The following ARHGAP32 variants were observed in gnomAD, a reference collection of about 807,000 sequenced individuals.
The protein encoded by ARHGAP32 is rho GTPase-activating protein 32.
Under a neutral mutation model 186.5 loss-of-function variants are expected in ARHGAP32, and 51 were observed. The observed-to-expected ratio is 0.27, with a 90% CI of 0.22 to 0.35. The LOEUF (loss-of-function observed/expected upper bound fraction) is 0.35, where lower values mean the gene tolerates loss of function less well. ARHGAP32 is among the 10% of genes least tolerant of loss of function. The probability of loss-of-function intolerance (pLI) is 1.00; values close to 1 mark genes in which losing one functional copy is unlikely to be tolerated. For synonymous variants in ARHGAP32, 950 were observed against 964.3 expected, an observed-to-expected ratio of 0.99 and a Z score of 0.27; for missense variants, 2,186 against 2,623.5, an observed-to-expected ratio of 0.83 and a Z score of 3.64.
intron 10 of ARHGAP32, among the ~76,000 whole-genome samples, chr11:129,054,342 T>C (rs1242847868): frequency 2.0e-5 from 3 of 152,184 alleles, no homozygotes; most frequent in African/African-American, 7.2e-5. Context: ...TCCCTTTACC[T>C]GCACACAAGA....
In ARHGAP32 at chr11:129,139,875, G is replaced by A. The variant is rs528921996; in HGVS notation, c.226-14981C>T. Among the ~76,000 whole-genome samples the A allele has an allele frequency of 2.0e-5, 3 of 152,214 alleles. No homozygotes were observed. The South Asian group carries it at 6.2e-4, about 32-fold the overall frequency. On this transcript the variant is annotated intron_variant, in intron 2 of 22. Coordinates refer to ENST00000682385, the MANE Select transcript of ARHGAP32 (RefSeq NM_001378024.1). ...TATATTATGAAGTATAAATACCAGAGAAAACATGTAAGACTGTGGTAGGCA... is the reference window on the plus strand; with the variant it reads ...TATATTATGAAGTATAAATACCAGAAAAAACATGTAAGACTGTGGTAGGCA...
chr11:129,088,727 T>C (rs909880492), intron 6 of ARHGAP32, among the ~76,000 whole-genome samples: 10 of 152,096 alleles, frequency 6.6e-5, no homozygotes, highest in African/African-American at 9.7e-5. Flanking sequence ...AAATTTTAAT[T>C]TGCTAATTTT....
chr11:129,212,403 T>A (rs1550579), intron 1 of ARHGAP32, among the ~76,000 whole-genome samples: 29,655 of 152,006 alleles, frequency 0.2, 3,081 homozygotes, highest in Non-Finnish European at 0.23. Flanking sequence ...TATATGCACA[T>A]ACAGAAAGTT....
At chr11:129,053,122 C>T (rs974632764) in intron 10 of ARHGAP32, among the ~76,000 whole-genome samples, 3 of 151,804 alleles carry the variant, frequency 2.0e-5, no homozygotes, top group African/African-American at 4.8e-5. Flanking sequence ...TTCTTTAATG[C>T]TGATTTAAAA....
chr11:129,148,512 G>A (rs1472991457), intron 2 of ARHGAP32, among the ~76,000 whole-genome samples: 1 of 152,158 alleles, frequency 6.6e-6, no homozygotes, highest in African/African-American at 2.4e-5. Context: ...ATACCTCACA[G>A]GGGCCTTCAG....
chr11:129,272,978 C>T (rs1945490040), intron 1 of ARHGAP32, among the ~76,000 whole-genome samples: 3 of 152,258 alleles, frequency 2.0e-5, no homozygotes, highest in Admixed American at 6.5e-5. Flanking sequence ...GGGTTGTCTA[C>T]CAACAGGTTG....
chr11:129,150,065 T>A (rs890730003), intron 2 of ARHGAP32, among the ~76,000 whole-genome samples: 7 of 148,638 alleles, frequency 4.7e-5, no homozygotes, highest in African/African-American at 7.4e-5. Flanking sequence ...TTGAAGAAAA[T>A]TAACCCAAAT....
chr11:129,147,085 T>G (rs624054), intron 2 of ARHGAP32, among the ~76,000 whole-genome samples: 43,246 of 151,920 alleles, frequency 0.28, 6,476 homozygotes, highest in Middle Eastern at 0.4. Flanking sequence ...ACTACACACT[T>G]TTGCAACCTA....
chr11:129,223,130 T>C (rs746207177), intron 1 of ARHGAP32, among the ~76,000 whole-genome samples: 6 of 152,194 alleles, frequency 3.9e-5, no homozygotes, highest in Non-Finnish European at 8.8e-5. Context: ...TCTTTCTTCA[T>C]ACTAAGTCTT....
intron 11 of ARHGAP32, among the ~76,000 whole-genome samples, chr11:129,017,000 T>A (rs1445630099): frequency 6.6e-6 from 1 of 152,218 alleles, no homozygotes; most frequent in Non-Finnish European, 1.5e-5. Context: ...TAAATTACAT[T>A]TTCTAATCAT....
At chr11:129,021,734 T>C (rs902354705) in intron 11 of ARHGAP32, among the ~76,000 whole-genome samples, 2 of 152,092 alleles carry the variant, frequency 1.3e-5, no homozygotes, top group African/African-American at 4.8e-5. Flanking sequence ...AAATTACAAA[T>C]TTAAAATAAT....
At chr11:129,143,584 T>C (rs988756073) in intron 2 of ARHGAP32, among the ~76,000 whole-genome samples, 7 of 152,156 alleles carry the variant, frequency 4.6e-5, no homozygotes, top group Non-Finnish European at 1.5e-5. Flanking sequence ...ATTGCAGTGC[T>C]TGTATTCAAC....
chr11:129,141,622 TAA>T (rs71472089), intron 2 of ARHGAP32, among the ~76,000 whole-genome samples: 15 of 133,644 alleles, frequency 1.1e-4, no homozygotes, highest in Non-Finnish European at 2.2e-4. Context: ...AAAGTATAAT[TAA>T]AAAAAAAAAA....
At position 128,970,813 on chromosome 11, in the gene ARHGAP32, TCGTCCA is replaced by T. The variant is rs2136065651; in HGVS notation, c.4394_4399del (p.Val1465_Asp1466del). 2 of 1,614,144 alleles carry T rather than the reference TCGTCCA, an allele frequency of 1.2e-6. No homozygotes were observed. The highest frequency in any genetic ancestry group is 4.5e-5 in the East Asian group (2 of 44,890). On this transcript the variant is annotated inframe_deletion, in exon 23 of 23. Coordinates refer to ENST00000682385, the MANE Select transcript of ARHGAP32 (RefSeq NM_001378024.1). This position sits in a 1 kb window ranked among gnomAD's most constrained non-coding sequence, Gnocchi z 5.8. ...GACAGGAAGTGGTAAAGGCAATGCATCGTCCACAGAGGTGGATGAAGCAGTGACAAA... is the reference window on the plus strand; with the variant it reads ...GACAGGAAGTGGTAAAGGCAATGCATCAGAGGTGGATGAAGCAGTGACAAA...
chr11:129,278,788 C>T (rs1327354289), intron 1 of ARHGAP32, among the ~76,000 whole-genome samples: 1 of 151,706 alleles, frequency 6.6e-6, no homozygotes, highest in Non-Finnish European at 1.5e-5. Context: ...GCGCCGGTGT[C>T]CCTGGAGCCC....
rs925790987 is a variant in ARHGAP32 at position 129,062,874 on chromosome 11, T to C, written c.886-517A>G. The stretch of plus-strand genomic sequence containing the variant: ...CCTAGGATGGGTTATTCTTAGTAAG[T>C]ATAAAATTTGATGACAACTACACTT... On this transcript the variant is annotated intron_variant, in intron 9 of 22. Transcript: ENST00000682385. Among the ~76,000 whole-genome samples the C allele has an allele frequency of 4.5e-5, 6 of 133,232 alleles. No homozygotes were observed. The South Asian group carries it at 1.1e-3, about 24-fold the overall frequency. The allele number at this position is 133,232 out of a possible 152,430, so 87.4% of individuals were successfully genotyped here.
intron 1 of ARHGAP32, among the ~76,000 whole-genome samples, chr11:129,212,883 TACAAG>T (rs1032415399): frequency 1.3e-4 from 20 of 151,274 alleles, no homozygotes; most frequent in African/African-American, 4.1e-4. Context: ...CCAGAATTCT[TACAAG>T]ACAACAAAAT....
chr11:129,252,218 A>G (rs890828537), intron 1 of ARHGAP32, among the ~76,000 whole-genome samples: 3 of 152,012 alleles, frequency 2.0e-5, no homozygotes, highest in African/African-American at 7.3e-5. Flanking sequence ...TTACAGCTTT[A>G]CTCTCAACTG....
intron 2 of ARHGAP32, among the ~76,000 whole-genome samples, chr11:129,159,900 T>C (rs1943493172): frequency 6.6e-6 from 1 of 152,200 alleles, no homozygotes; most frequent in African/African-American, 2.4e-5. Context: ...AACCCTGGGA[T>C]ACAAGGCTGG....
Sources: allele counts gnomAD v4.1 joint callset (sites outside exome capture counted in the v4.1 genomes callset), GRCh38; gene constraint gnomAD v4.1.1; non-coding constraint Gnocchi (gnomAD v3.1); transcripts MANE v1.5; gene names NCBI Gene and HGNC (gene_info 2026-07-23, HGNC 2026-07-21).